Variants in SCIN observed in about 807,000 individuals in gnomAD.
The protein encoded by SCIN is adseverin.
In SCIN, 91 loss-of-function variants were observed where a neutral mutation model predicts 91.8. That is an observed-to-expected ratio of 0.99 (90% confidence interval 0.84 to 1.18). The LOEUF (loss-of-function observed/expected upper bound fraction) is 1.18. SCIN is among the 50% of genes most tolerant of loss of function. The probability of loss-of-function intolerance (pLI) is 0.00; values close to 1 mark genes in which losing one functional copy is unlikely to be tolerated. For missense variants in SCIN, 1,087 were observed against 863.9 expected (o/e 1.26, Z -3.24); for synonymous variants, 367 against 312.6 (o/e 1.17, Z -1.84).
intron 9 of SCIN, among the ~76,000 whole-genome samples, chr7:12,632,117 T>TTA (rs1318682889): frequency 1.4e-5 from 2 of 145,744 alleles, no homozygotes; most frequent in African/African-American, 5.2e-5. Flanking sequence ...TTATTTTATT[T>TTA]TATTTTATTT....
chr7:12,644,432 A>T, intron 12 of SCIN, 117 bp downstream of exon 12: 1 of 1,438,974 alleles, frequency 6.9e-7, no homozygotes, highest in Non-Finnish European at 9.3e-7. Flanking sequence ...CAATCTCTCC[A>T]TTAGTTGCAG....
At chr7:12,577,227 C>T (rs928202950) in intron 1 of SCIN, among the ~76,000 whole-genome samples, 4 of 152,060 alleles carry the variant, frequency 2.6e-5, no homozygotes, top group Non-Finnish European at 4.4e-5. Flanking sequence ...CAAACAGAAC[C>T]AGTCAGATAG....
chr7:12,652,850 TC>T lies in SCIN; in HGVS notation c.*138del. On this transcript the variant is annotated 3_prime_UTR_variant, in exon 16 of 16. Transcript: ENST00000297029. ...TGGGCGCGGTGGCTCACACCTGTAATCCCAGCACTTTGAGAGGATGAGGTAG... is the reference window on the plus strand; with the variant it reads ...TGGGCGCGGTGGCTCACACCTGTAATCCAGCACTTTGAGAGGATGAGGTAG... 9.6e-7 allele frequency: 1 copy of T among 1,045,904 alleles called. No individual in the cohort carries two copies. Among genetic ancestry groups the T allele is most frequent in the Non-Finnish European group, 1.4e-6 (1 of 730,844 alleles). The allele number at this position is 1,045,904 out of a possible 1,614,324, so 64.8% of individuals were successfully genotyped here.
intron 4 of SCIN, among the ~76,000 whole-genome samples, chr7:12,606,607 A>C (rs1305067577): frequency 1.3e-5 from 2 of 152,140 alleles, no homozygotes; most frequent in Admixed American, 1.3e-4. Context: ...CAGAATATAA[A>C]ATTTTATATG....
In SCIN at chr7:12,626,432, A is replaced by G. The variant is rs540515964; in HGVS notation, c.982-152A>G. The G allele has an allele frequency of 9.5e-5, 57 of 597,516 alleles. No homozygotes were observed. In the African/African-American group the frequency reaches 1.0e-3, roughly 11 times the overall value. The allele number at this position is 597,516 out of a possible 1,614,324, so 37.0% of individuals were successfully genotyped here. Reference sequence around the variant, plus strand: ...ATTCAAATTCAGCGGCAATTACTTTAGTTGTGAGAAAAAGCAATTTTGGAT... The same window carrying G: ...ATTCAAATTCAGCGGCAATTACTTTGGTTGTGAGAAAAAGCAATTTTGGAT... On this transcript the variant is annotated intron_variant, in intron 7 of 15. Coordinates refer to ENST00000297029, the MANE Select transcript of SCIN (RefSeq NM_001112706.3).
chr7:12,595,491 G>A (rs1188195643), intron 3 of SCIN: 1 of 151,386 alleles, frequency 6.6e-6, no homozygotes, highest in Non-Finnish European at 1.5e-5. Flanking sequence ...AGGGGTCCTG[G>A]GGCAGATTGT....
At chr7:12,617,867 G>A (rs929200802) in intron 4 of SCIN, among the ~76,000 whole-genome samples, 1 of 152,130 alleles carries the variant, frequency 6.6e-6, no homozygotes, top group African/African-American at 2.4e-5. Context: ...GTTCTAATAT[G>A]CAGCCAGTGA....
chr7:12,635,438 C>T (rs1408454474), intron 9 of SCIN, among the ~76,000 whole-genome samples: 1 of 150,490 alleles, frequency 6.6e-6, no homozygotes, highest in Non-Finnish European at 1.5e-5. Flanking sequence ...AGTGACACCC[C>T]CATCTCTACT....
rs1289879216 is a variant in SCIN at position 12,571,230 on chromosome 7, G to A, written c.199+245G>A. 3 of 548,814 alleles carry A rather than the reference G, an allele frequency of 5.5e-6. No homozygotes were observed. In the Admixed American group the frequency reaches 9.9e-5, roughly 18 times the overall value. 34.0% of individuals were successfully genotyped at this position (548,814 alleles called of 1,614,324 possible). On this transcript the variant is annotated intron_variant, in intron 1 of 15. Coordinates refer to ENST00000297029, the MANE Select transcript of SCIN (RefSeq NM_001112706.3). The stretch of plus-strand genomic sequence containing the variant: ...CCTCGCAGGCTTTGACCTTTGCCAG[G>A]TGTAGTTCCTGGACTTTGGAGCTGG...
At chr7:12,636,160 C>G (rs747079964) in intron 10 of SCIN, 25 bp downstream of exon 10, 1 of 1,563,280 alleles carries the variant, frequency 6.4e-7, no homozygotes, top group Non-Finnish European at 8.8e-7. Context: ...ACCCCCAAAA[C>G]TCACACAAGT....
At chr7:12,584,223 T>C (rs1345089285) in intron 3 of SCIN, among the ~76,000 whole-genome samples, 1 of 152,214 alleles carries the variant, frequency 6.6e-6, no homozygotes, top group Non-Finnish European at 1.5e-5. Flanking sequence ...AATATTTTAA[T>C]AGTAGTAATT....
At chr7:12,650,357 T>C (rs928373401) in intron 14 of SCIN, among the ~76,000 whole-genome samples, 5 of 152,216 alleles carry the variant, frequency 3.3e-5, no homozygotes, top group Non-Finnish European at 5.9e-5. Flanking sequence ...TAAAACATTC[T>C]TGTGTATTTA....
At chr7:12,650,229 A>T (rs190396338) in intron 14 of SCIN, among the ~76,000 whole-genome samples, 5 of 152,306 alleles carry the variant, frequency 3.3e-5, no homozygotes, top group Admixed American at 2.6e-4. Context: ...CCATTCAGTT[A>T]TATCACACCC....
At chr7:12,634,818 C>CGAAT (rs1464154546) in intron 9 of SCIN, among the ~76,000 whole-genome samples, 1 of 152,124 alleles carries the variant, frequency 6.6e-6, no homozygotes, top group Non-Finnish European at 1.5e-5. Flanking sequence ...AGAGAGGCTA[C>CGAAT]GAATGAACTG....
At chr7:12,592,374 G>A (rs1385365652) in intron 3 of SCIN, among the ~76,000 whole-genome samples, 1 of 152,120 alleles carries the variant, frequency 6.6e-6, no homozygotes, top group Admixed American at 6.5e-5. Context: ...GAGTGTGTTG[G>A]TCTAAGAAGA....
chr7:12,610,560 C>A (rs1233173497), intron 4 of SCIN, among the ~76,000 whole-genome samples: 3 of 152,242 alleles, frequency 2.0e-5, no homozygotes, highest in Middle Eastern at 3.4e-3. Flanking sequence ...ATATGTAGTT[C>A]CAGAAACTAA....
chr7:12,590,188 C>T (rs1782688539), intron 3 of SCIN, among the ~76,000 whole-genome samples: 1 of 152,150 alleles, frequency 6.6e-6, no homozygotes, highest in Non-Finnish European at 1.5e-5. Context: ...CTTCTGCGGC[C>T]TTTTCTGAAG....
At chr7:12,630,141 C>T (rs546328818) in intron 9 of SCIN, among the ~76,000 whole-genome samples, 28 of 152,100 alleles carry the variant, frequency 1.8e-4, no homozygotes, top group African/African-American at 6.5e-4. Context: ...GAACCTCACA[C>T]CGAGACAGTC....
intron 2 of SCIN, among the ~76,000 whole-genome samples, chr7:12,578,574 G>A (rs1782421323): frequency 6.6e-6 from 1 of 152,004 alleles, no homozygotes; most frequent in East Asian, 1.9e-4. Flanking sequence ...TTTCATTTTT[G>A]CTATTCTAGA....
Sources: allele counts gnomAD v4.1 joint callset (sites outside exome capture counted in the v4.1 genomes callset), GRCh38; gene constraint gnomAD v4.1.1; transcripts MANE v1.5; gene names NCBI Gene and HGNC (gene_info 2026-07-23, HGNC 2026-07-21).